ADAMTS3: variants seen among roughly 807,000 people sequenced by gnomAD.
ADAMTS3 encodes the protein ADAM metallopeptidase with thrombospondin type 1 motif 3, also known as A disintegrin and metalloproteinase with thrombospondin motifs 3.
In ADAMTS3, 73 loss-of-function variants were observed where a neutral mutation model predicts 129.0. The ratio of observed to expected loss-of-function variants is 0.57; its 90% CI spans 0.47 to 0.69. The LOEUF (loss-of-function observed/expected upper bound fraction) is 0.69. Among genes scored for constraint, ADAMTS3 ranks in the 30% least tolerant of loss-of-function variants. The pLI is 0.00. For synonymous variants in ADAMTS3, 477 were observed against 510.8 expected (o/e 0.93, Z 0.89); for missense variants, 1,457 against 1,514.5 (o/e 0.96, Z 0.63).
intron 4 of ADAMTS3, among the ~76,000 whole-genome samples, chr4:72,344,603 G>T (rs1020354749): frequency 6.6e-6 from 1 of 152,112 alleles, no homozygotes; most frequent in African/African-American, 2.4e-5. Context: ...ATAAGCCAAT[G>T]AGATCTAAGC....
chr4:72,321,823 G>C (rs1719563270), intron 6 of ADAMTS3, among the ~76,000 whole-genome samples: 1 of 151,924 alleles, frequency 6.6e-6, no homozygotes, highest in African/African-American at 2.4e-5. Flanking sequence ...CTGAAGAGGG[G>C]TGGACTCTTC....
chr4:72,488,955 T>C (rs1472062861), intron 3 of ADAMTS3, among the ~76,000 whole-genome samples: 1 of 151,936 alleles, frequency 6.6e-6, no homozygotes, highest in Non-Finnish European at 1.5e-5. Context: ...TCATGACCTC[T>C]AGCAATCTTC....
At chr4:72,313,115 G>A (rs534804417) in intron 12 of ADAMTS3, among the ~76,000 whole-genome samples, 1 of 152,162 alleles carries the variant, frequency 6.6e-6, no homozygotes, top group South Asian at 2.1e-4. Flanking sequence ...CCCTAGACAA[G>A]GCAGAATCCT....
intron 3 of ADAMTS3, among the ~76,000 whole-genome samples, chr4:72,542,284 C>T (rs1312946222): frequency 6.6e-6 from 1 of 152,144 alleles, no homozygotes. Context: ...CCTATCTCAG[C>T]CTCCCGAGTC....
At chr4:72,424,393 CA>C (rs1156994669) in intron 3 of ADAMTS3, among the ~76,000 whole-genome samples, 2 of 151,952 alleles carry the variant, frequency 1.3e-5, no homozygotes, top group East Asian at 3.9e-4. Flanking sequence ...ATACAGGCGG[CA>C]AAAAATAAAA....
At chr4:72,513,091 A>G (rs979150914) in intron 3 of ADAMTS3, among the ~76,000 whole-genome samples, 1 of 152,152 alleles carries the variant, frequency 6.6e-6, no homozygotes, top group Non-Finnish European at 1.5e-5. Context: ...TCCTGTCCCT[A>G]GCCATGTACT....
At chr4:72,473,560 A>G (rs1460229315) in intron 3 of ADAMTS3, among the ~76,000 whole-genome samples, 2 of 151,966 alleles carry the variant, frequency 1.3e-5, no homozygotes, top group East Asian at 3.9e-4. Context: ...CAGAAAAAAA[A>G]AAAAAAAACA....
intron 4 of ADAMTS3, among the ~76,000 whole-genome samples, chr4:72,362,130 A>G (rs1279314903): frequency 6.7e-6 from 1 of 148,454 alleles, no homozygotes; most frequent in Non-Finnish European, 1.5e-5. Flanking sequence ...TTTTAATATT[A>G]TCAATGTATC....
rs1449544836 is a variant in ADAMTS3 at position 72,323,188 on chromosome 4, G to T, written c.862-91C>A. On this transcript the variant is annotated intron_variant, in intron 5 of 21. Transcript: ENST00000286657. ...TAAGCTGTGTAATCACCACAAATAG[G>T]TGAGTAAATTGCTGTTTTTAAATTG... 6 of 931,250 alleles carry T rather than the reference G, an allele frequency of 6.4e-6. No homozygotes were observed. The Admixed American group carries it at 7.7e-5, about 12-fold the overall frequency. 57.7% of individuals were successfully genotyped at this position (931,250 alleles called of 1,614,324 possible).
chr4:72,402,207 T>C (rs1012979958), intron 4 of ADAMTS3, among the ~76,000 whole-genome samples: 1 of 152,156 alleles, frequency 6.6e-6, no homozygotes, highest in Non-Finnish European at 1.5e-5. Flanking sequence ...CCAAGCATCT[T>C]TGAATATTCA....
rs149425650 is a variant in ADAMTS3, at chr4:72,553,229, T to G, written c.98-4345A>C. On this transcript the variant is annotated intron_variant, in intron 2 of 21. Coordinates refer to ENST00000286657, the MANE Select transcript of ADAMTS3 (RefSeq NM_014243.3). ...GAAAGCTTGTGTATATTTCTCACAG[T>G]TGCTGCTGCCCTACAAACCAAACAT... 4.6e-4 allele frequency among the ~76,000 whole-genome samples: 70 copies of G among 152,268 alleles called. No homozygotes were observed. In the East Asian group the frequency reaches 7.2e-3, roughly 16 times the overall value.
At chr4:72,525,776 G>A (rs1720790613) in intron 3 of ADAMTS3, among the ~76,000 whole-genome samples, 1 of 152,098 alleles carries the variant, frequency 6.6e-6, no homozygotes, top group African/African-American at 2.4e-5. Flanking sequence ...CAAGTGTATT[G>A]AATTACTTAA....
At chr4:72,383,114 T>C (rs981675653) in intron 4 of ADAMTS3, among the ~76,000 whole-genome samples, 27 of 152,066 alleles carry the variant, frequency 1.8e-4, no homozygotes, top group African/African-American at 3.6e-4. Context: ...TTTTTTTTTT[T>C]CTTAGTATTT....
chr4:72,413,807 A>G (rs957820630), intron 4 of ADAMTS3, among the ~76,000 whole-genome samples: 3 of 151,988 alleles, frequency 2.0e-5, no homozygotes, highest in Non-Finnish European at 4.4e-5. Context: ...TCTCTAAGCT[A>G]GGCATACATT....
intron 4 of ADAMTS3, among the ~76,000 whole-genome samples, chr4:72,378,760 T>G (rs1437349491): frequency 6.6e-6 from 1 of 152,096 alleles, no homozygotes; most frequent in Non-Finnish European, 1.5e-5. Flanking sequence ...CAACACTCAT[T>G]TGCTAATTTA....
At chr4:72,435,226 T>C (rs1022399241) in intron 3 of ADAMTS3, among the ~76,000 whole-genome samples, 17 of 151,848 alleles carry the variant, frequency 1.1e-4, no homozygotes, top group African/African-American at 3.9e-4. Flanking sequence ...GATCACTGCC[T>C]TGTTTGATTT....
chr4:72,551,363 T>A (rs1398418282), intron 2 of ADAMTS3, among the ~76,000 whole-genome samples: 1 of 152,146 alleles, frequency 6.6e-6, no homozygotes, highest in Non-Finnish European at 1.5e-5. Flanking sequence ...TATGTTCCAT[T>A]TTTATACTGT....
chr4:72,294,094 A>T (rs754775414), intron 19 of ADAMTS3, among the ~76,000 whole-genome samples: 1 of 152,128 alleles, frequency 6.6e-6, no homozygotes, highest in Non-Finnish European at 1.5e-5. Flanking sequence ...GAGATAAAAG[A>T]TATACATTTT....
intron 3 of ADAMTS3, among the ~76,000 whole-genome samples, chr4:72,506,461 C>G (rs1720161952): frequency 1.3e-5 from 2 of 152,144 alleles, no homozygotes; most frequent in Admixed American, 1.3e-4. Flanking sequence ...TGACCCCTAC[C>G]CTGCTCCAAA....
Sources: gnomAD v4.1 joint callset for allele counts (sites outside exome capture counted in the v4.1 genomes callset) on GRCh38, gnomAD v4.1.1 for gene constraint, MANE v1.5 for transcripts, NCBI Gene and HGNC (gene_info 2026-07-23, HGNC 2026-07-21) for gene names.